Variants in RNF213 observed in about 807,000 individuals in gnomAD.
RNF213 encodes the protein ring finger protein 213.
A neutral mutation model predicts 514.4 loss-of-function variants in RNF213; 341 were observed. That is an observed-to-expected ratio of 0.66 (90% CI 0.61 to 0.73). RNF213 has a LOEUF of 0.73. Ranked by LOEUF, RNF213 falls within the 30% of genes least tolerant of loss-of-function variation. The probability of loss-of-function intolerance (pLI) is 0.00; values close to 1 mark genes in which losing one functional copy is unlikely to be tolerated. For synonymous variants in RNF213, 2,655 were observed against 2,658.2 expected, an observed-to-expected ratio of 1.00 and a Z score of 0.04; for missense variants, 5,767 against 6,615.6, an observed-to-expected ratio of 0.87 and a Z score of 4.45.
intron 26 of RNF213, 28 bp downstream of exon 26, chr17:80,340,384 C>G (rs2078117058): frequency 6.3e-7 from 1 of 1,581,722 alleles, no homozygotes; most frequent in East Asian, 2.3e-5. Context: ...GTGGGCAGGC[C>G]CCGTCTCCCA....
In RNF213 at chr17:80,298,655, T is replaced by C. The variant is rs150119350; in HGVS notation, c.2210+137T>C. 1.1e-4 allele frequency: 104 copies of C among 928,694 alleles called. No individual in the cohort carries two copies. In the African/African-American group the frequency reaches 1.6e-3, roughly 14 times the overall value. 57.5% of individuals were successfully genotyped at this position (928,694 alleles called of 1,614,324 possible). A position where few individuals can be genotyped will look rare whatever the true frequency, so the allele number is the denominator to read the frequency against. ...AGAACTAACACACGCTCTTTTAACATTTTAAGACATCAAAACTGTCAAGAA... is the reference window on the plus strand; with the variant it reads ...AGAACTAACACACGCTCTTTTAACACTTTAAGACATCAAAACTGTCAAGAA... On this transcript the variant is annotated intron_variant, in intron 11 of 67. Coordinates refer to ENST00000582970, the MANE Select transcript of RNF213 (RefSeq NM_001256071.3).
At chr17:80,367,693 T>G (rs1355251289) in intron 42 of RNF213, 55 bp from the exon 43 acceptor site, 2 of 1,462,892 alleles carry the variant, frequency 1.4e-6, no homozygotes, top group Non-Finnish European at 1.9e-6. Flanking sequence ...TCGCCCGGCC[T>G]GGCCGCCCTC....
At chr17:80,358,585 G>A in intron 37 of RNF213, 106 bp downstream of exon 37, 1 of 1,071,022 alleles carries the variant, frequency 9.3e-7, no homozygotes, top group Non-Finnish European at 1.4e-6. Context: ...CAACTTCAGA[G>A]CAACGTTGAC....
At position 80,343,393 on chromosome 17, in the gene RNF213, C is replaced by G. The variant is rs2078218310; in HGVS notation, c.6183+68C>G. 7.5e-7 allele frequency: 1 copy of G among 1,330,574 alleles called. No individual in the cohort carries two copies. Among genetic ancestry groups the G allele is most frequent in the Admixed American group, 1.9e-5 (1 of 52,828 alleles). The allele number at this position is 1,330,574 out of a possible 1,614,324, so 82.4% of individuals were successfully genotyped here. A position where few individuals can be genotyped will look rare whatever the true frequency, so the allele number is the denominator to read the frequency against. On this transcript the variant is annotated intron_variant, in intron 27 of 67. Transcript: ENST00000582970. This position sits in a 1 kb window ranked among gnomAD's most constrained non-coding sequence, Gnocchi z 4.3. The stretch of plus-strand genomic sequence containing the variant: ...ACGTGGTCCCCATGTCTCTGCGTGA[C>G]TCCTCCCCGTGTATAGAATTCCTTG...
At chr17:80,380,089 A>G (rs1275906145) in intron 55 of RNF213, among the ~76,000 whole-genome samples, 3 of 152,232 alleles carry the variant, frequency 2.0e-5, no homozygotes, top group Non-Finnish European at 4.4e-5. Flanking sequence ...GTCTCAGCAG[A>G]TGCCATCTCA....
intron 7 of RNF213, among the ~76,000 whole-genome samples, chr17:80,290,955 T>C (rs1343844475): frequency 6.6e-6 from 1 of 151,978 alleles, no homozygotes; most frequent in Non-Finnish European, 1.5e-5. Context: ...ACTACAGGTG[T>C]GTACCACCAC....
At chr17:80,319,803 C>T (rs1354711791) in intron 17 of RNF213, 2 of 1,222,844 alleles carry the variant, frequency 1.6e-6, no homozygotes, top group East Asian at 5.0e-5. Flanking sequence ...GGAACAGTCT[C>T]GCAGGCAATG....
At position 80,373,601 on chromosome 17, in the gene RNF213, A is replaced by T. The variant is rs192625705; in HGVS notation, c.12942+436A>T. 3.0e-3 allele frequency among the ~76,000 whole-genome samples: 461 copies of T among 152,212 alleles called. 5 individuals carry two copies. The highest frequency in any genetic ancestry group is 0.011 in the African/African-American group (443 of 41,530). ...GAACATTCTTGTGGCCTTTGCTTTC[A>T]GCGAATTAAACGTAGTTCAGCTTGC... On this transcript the variant is annotated intron_variant, in intron 49 of 67. Transcript: ENST00000582970.
intron 14 of RNF213, among the ~76,000 whole-genome samples, chr17:80,312,423 C>G (rs1202125855): frequency 6.6e-6 from 1 of 150,762 alleles, no homozygotes; most frequent in Non-Finnish European, 1.5e-5. Flanking sequence ...GAAGGGGACC[C>G]AGGTTTACCT....
At chr17:80,391,776 T>TC (rs1216131194) in intron 67 of RNF213, among the ~76,000 whole-genome samples, 115 of 135,918 alleles carry the variant, frequency 8.5e-4, no homozygotes, top group African/African-American at 3.0e-3. Context: ...TTTTTTTTTT[T>TC]TTTTTTTTTT....
rs770487709 is a variant in RNF213 at position 80,373,029 on chromosome 17, G to A, written c.12806G>A (p.Arg4269Gln). The A allele has an allele frequency of 7.4e-6, 12 of 1,613,866 alleles. No individual in the cohort carries two copies. Among genetic ancestry groups the A allele is most frequent in the East Asian group, 4.5e-5 (2 of 44,878 alleles). Residue 4269 changes from arginine (R) to glutamine (Q), a missense_variant, in exon 49 of 68, where the codon CGG becomes CAG. Physicochemically the swap from Arg to Gln is conservative, Grantham distance 43. Coordinates refer to ENST00000582970, the MANE Select transcript of RNF213 (RefSeq NM_001256071.3). The part of the protein sequence containing the change: ...YLQQVKQFCI[R>Q]VENDWHRVYL... ...CAGCAAGTCAAGCAGTTCTGTATCC[G>A]GGTGGAGAACGACTGGCACCGGGTG...
intron 10 of RNF213, among the ~76,000 whole-genome samples, chr17:80,296,088 TG>T (rs1471422444): frequency 6.6e-6 from 1 of 152,178 alleles, no homozygotes; most frequent in East Asian, 1.9e-4. Context: ...GGCGCAATCT[TG>T]GCTCACTGCA....
At chr17:80,272,832 C>G (rs963379045) in intron 2 of RNF213, among the ~76,000 whole-genome samples, 17 of 152,160 alleles carry the variant, frequency 1.1e-4, no homozygotes, top group African/African-American at 4.1e-4. Context: ...TTTGAGACCC[C>G]TGGGCCGCCA....
intron 56 of RNF213, 191 bp from the exon 57 acceptor site, chr17:80,381,356 G>C (rs989015626): frequency 2.7e-5 from 18 of 677,190 alleles, no homozygotes; most frequent in South Asian, 4.8e-5. Flanking sequence ...TTATCTCACT[G>C]TAACAACAGA....
At position 80,386,896 on chromosome 17, in the gene RNF213, G is replaced by A. The variant is rs374712696; in HGVS notation, c.14922+5G>A. 1.2e-6 allele frequency: 2 copies of A among 1,608,132 alleles called. No individual in the cohort carries two copies. Among genetic ancestry groups the A allele is most frequent in the African/African-American group, 2.7e-5 (2 of 74,792 alleles). On this transcript the variant is annotated splice_donor_5th_base_variant and intron_variant, in intron 63 of 67. Coordinates refer to ENST00000582970, the MANE Select transcript of RNF213 (RefSeq NM_001256071.3). ...AAGCCCCGGCTGAGCCTCAAGGTAG[G>A]GCTGACTCCTGCCACTGCTGCTCAT...
At chr17:80,289,858 G>A (rs779899461) in intron 6 of RNF213, 21 bp downstream of exon 6, 2 of 1,596,230 alleles carry the variant, frequency 1.3e-6, no homozygotes, top group East Asian at 2.2e-5. Context: ...CCCCGCAGGG[G>A]AGCAAAGGAG....
chr17:80,262,888 C>G (rs969597785), intron 1 of RNF213, among the ~76,000 whole-genome samples: 3 of 152,172 alleles, frequency 2.0e-5, no homozygotes, highest in African/African-American at 7.2e-5. Flanking sequence ...AGCTGCCGCT[C>G]CAGCCACTGC....
intron 21 of RNF213, 133 bp downstream of exon 21, chr17:80,332,764 T>C (rs1266690670): frequency 1.1e-5 from 12 of 1,077,258 alleles, no homozygotes; most frequent in African/African-American, 1.6e-5. Flanking sequence ...CCTGTGTGTG[T>C]GGTACTTGAG....
In RNF213 at chr17:80,291,181, T is replaced by C. The variant is rs1368008845; in HGVS notation, c.1272-447T>C. Among the ~76,000 whole-genome samples the C allele has an allele frequency of 3.9e-5, 6 of 152,166 alleles. No homozygotes were observed. In the East Asian group the frequency reaches 1.2e-3, roughly 29 times the overall value. ...CTGGAAGATGAATATTTCAGACAGC[T>C]CTTCCTGGCCATGCATTTTGGTGTC... On this transcript the variant is annotated intron_variant, in intron 7 of 67. Transcript: ENST00000582970.
Sources: allele counts gnomAD v4.1 joint callset (sites outside exome capture counted in the v4.1 genomes callset), GRCh38; gene constraint gnomAD v4.1.1; non-coding constraint Gnocchi (gnomAD v3.1); transcripts MANE v1.5; gene names NCBI Gene and HGNC (gene_info 2026-07-23, HGNC 2026-07-21).